Variants in ZNF727 observed in about 807,000 individuals in gnomAD.
The protein encoded by ZNF727 is zinc finger protein 727.
Under a neutral mutation model 11.5 loss-of-function variants are expected in ZNF727, and 11 were observed. The ratio of observed to expected loss-of-function variants is 0.95; its 90% CI spans 0.60 to 1.58. The LOEUF is 1.58. Ranked by LOEUF, ZNF727 falls within the 40% of genes most tolerant of loss-of-function variation. The probability of loss-of-function intolerance (pLI) is 0.00; values close to 1 mark genes in which losing one functional copy is unlikely to be tolerated. For synonymous variants in ZNF727, 171 were observed against 196.1 expected (o/e 0.87, Z 1.07); for missense variants, 533 against 581.7 (o/e 0.92, Z 0.86).
intron 1 of ZNF727, among the ~76,000 whole-genome samples, chr7:64,046,486 GTATTGACCTCTCGA>G (rs1789509115): frequency 6.6e-6 from 1 of 152,122 alleles, no homozygotes; most frequent in Non-Finnish European, 1.5e-5. Context: ...ATTCCTCTTG[GTATTGACCTCTCGA>G]TAGTGACTGA....
At chr7:64,065,528 GCATATTCTCAAGAAA>G (rs1383726671) in intron 1 of ZNF727, among the ~76,000 whole-genome samples, 1 of 152,124 alleles carries the variant, frequency 6.6e-6, no homozygotes, top group African/African-American at 2.4e-5. Flanking sequence ...TGCTTCAAAG[GCATATTCTCAAGAAA>G]CAGGTTTAAT....
rs1472886066 is a variant in ZNF727 at position 64,084,680 on chromosome 7, CT to C, written c.*6137del. Among the ~76,000 whole-genome samples, 1 of 152,128 alleles carries C rather than the reference CT, an allele frequency of 6.6e-6. No individual in the cohort carries two copies. The highest frequency in any genetic ancestry group is 1.5e-5 in the Non-Finnish European group (1 of 67,986). On this transcript the variant is annotated 3_prime_UTR_variant, in exon 4 of 4. Coordinates refer to ENST00000456806, the MANE Select transcript of ZNF727 (RefSeq NM_001159522.3). Reference sequence around the variant, plus strand: ...CAACTATTTACAAAATTTTATCCTACTTTTTTCTGTTGAAAATATGACTTCT... The same window carrying C: ...CAACTATTTACAAAATTTTATCCTACTTTTTCTGTTGAAAATATGACTTCT...
At chr7:64,059,614 C>G (rs2861504) in intron 1 of ZNF727, among the ~76,000 whole-genome samples, 2 of 151,914 alleles carry the variant, frequency 1.3e-5, no homozygotes, top group Non-Finnish European at 2.9e-5. Context: ...CCTTTACTTC[C>G]TGACTAAACC....
intron 1 of ZNF727, among the ~76,000 whole-genome samples, chr7:64,049,626 G>A (rs1242410683): frequency 6.6e-6 from 1 of 151,536 alleles, no homozygotes; most frequent in Non-Finnish European, 1.5e-5. Flanking sequence ...TAGAAACATA[G>A]GATTTTAAAT....
Position 64,085,008 on chromosome 7 carries a change from A to C in ZNF727, c.*6459A>C, listed in dbSNP as rs909386909. ...ATGTTATTGCTCCTGACTTAGAATC[A>C]TCTTTTGCAAATTCTTTTTTTGTTT... On this transcript the variant is annotated 3_prime_UTR_variant, in exon 4 of 4. Transcript: ENST00000456806. 2.7e-4 allele frequency among the ~76,000 whole-genome samples: 31 copies of C among 116,438 alleles called. No individual in the cohort carries two copies. The highest frequency in any genetic ancestry group is 8.1e-4 in the African/African-American group (28 of 34,422). 76.4% of individuals were successfully genotyped at this position (116,438 alleles called of 152,430 possible).
At chr7:64,057,126 T>C (rs1460434089) in intron 1 of ZNF727, among the ~76,000 whole-genome samples, 1 of 152,130 alleles carries the variant, frequency 6.6e-6, no homozygotes, top group Non-Finnish European at 1.5e-5. Flanking sequence ...CAAAGAATTA[T>C]TTATAACAAA....
chr7:64,076,098 T>G (rs1785652374), intron 3 of ZNF727, among the ~76,000 whole-genome samples: 1 of 152,094 alleles, frequency 6.6e-6, no homozygotes, highest in Admixed American at 6.6e-5. Flanking sequence ...GTGCTTTTAG[T>G]TTTTATTTGT....
In ZNF727 at chr7:64,084,440, C is replaced by T. The variant is rs1394629330; in HGVS notation, c.*5891C>T. Among the ~76,000 whole-genome samples the T allele has an allele frequency of 6.6e-6, 1 of 152,014 alleles. No homozygotes were observed. Among genetic ancestry groups the T allele is most frequent in the African/African-American group, 2.4e-5 (1 of 41,390 alleles). On this transcript the variant is annotated 3_prime_UTR_variant, in exon 4 of 4. Transcript: ENST00000456806. The stretch of plus-strand genomic sequence containing the variant: ...CTGATGTTAACTTATCCCATCTTAC[C>T]CAAGGTTGTAGGTCAACAGATGGTA...
chr7:64,050,308 A>G (rs557798778), intron 1 of ZNF727, among the ~76,000 whole-genome samples: 173 of 152,248 alleles, frequency 1.1e-3, no homozygotes, highest in African/African-American at 3.7e-3. Context: ...TCATGTTTGT[A>G]TCTAACAGCC....
At chr7:64,046,202 TG>T (rs1403282885) in intron 1 of ZNF727, among the ~76,000 whole-genome samples, 5 of 152,052 alleles carry the variant, frequency 3.3e-5, no homozygotes, top group Non-Finnish European at 5.9e-5. Context: ...TTTTGTTTTT[TG>T]TTTGTTTGGT....
chr7:64,057,205 G>A (rs187756493), intron 1 of ZNF727, among the ~76,000 whole-genome samples: 28 of 152,216 alleles, frequency 1.8e-4, no homozygotes, highest in African/African-American at 6.3e-4. Flanking sequence ...TGCTCTCTAA[G>A]TATGTTTTTA....
intron 1 of ZNF727, among the ~76,000 whole-genome samples, chr7:64,058,786 C>T (rs140727677): frequency 2.0e-3 from 301 of 152,304 alleles, no homozygotes; most frequent in Middle Eastern, 0.017. Context: ...AGTAACAAGG[C>T]AGCTGTAACC....
rs1785739612 is a variant in ZNF727 at position 64,078,943 on chromosome 7, G to A, written c.*394G>A. On this transcript the variant is annotated 3_prime_UTR_variant, in exon 4 of 4. Coordinates refer to ENST00000456806, the MANE Select transcript of ZNF727 (RefSeq NM_001159522.3). ...GTGGAAAAGGTTTTATGTGGATCTC[G>A]GCCCTTAGAAAACATAAGAGAATTC... Among the ~76,000 whole-genome samples the A allele has an allele frequency of 1.3e-5, 2 of 151,382 alleles. No individual in the cohort carries two copies. The highest frequency in any genetic ancestry group is 2.9e-5 in the Non-Finnish European group (2 of 67,832).
intron 1 of ZNF727, among the ~76,000 whole-genome samples, chr7:64,053,121 G>T (rs1347696859): frequency 1.3e-5 from 2 of 152,090 alleles, no homozygotes; most frequent in Non-Finnish European, 2.9e-5. Context: ...TATGAAATGT[G>T]AAGATACGAG....
rs749059143 is a variant in ZNF727, at chr7:64,076,211, T to G, written c.227-1065T>G. 3.8e-4 allele frequency among the ~76,000 whole-genome samples: 58 copies of G among 152,306 alleles called. 1 individual carries two copies. The highest frequency in any genetic ancestry group is 3.8e-4 in the Non-Finnish European group (26 of 68,020). On this transcript the variant is annotated intron_variant, in intron 3 of 3. Transcript: ENST00000456806. ...ATACATATATTGCCATTATAATTAT[T>G]TATGTGTTTGTTTGCCTGTGTAAAA...
chr7:64,047,706 G>A (rs1165885933), intron 1 of ZNF727, among the ~76,000 whole-genome samples: 1 of 151,648 alleles, frequency 6.6e-6, no homozygotes, highest in Non-Finnish European at 1.5e-5. Context: ...GCAGTTTCCT[G>A]ATACACCCTT....
rs528653599 is a variant in ZNF727, at chr7:64,081,949, T to G, written c.*3400T>G. Among the ~76,000 whole-genome samples the G allele has an allele frequency of 5.3e-5, 8 of 152,034 alleles. No individual in the cohort carries two copies. The highest frequency in any genetic ancestry group is 1.7e-4 in the African/African-American group (7 of 41,482). Reference sequence around the variant, plus strand: ...CAGAGACGTGTAGGCCAGCAATCACTCAGTGCAGTCCGACCAGGATGGAGG... The same window carrying G: ...CAGAGACGTGTAGGCCAGCAATCACGCAGTGCAGTCCGACCAGGATGGAGG... On this transcript the variant is annotated 3_prime_UTR_variant, in exon 4 of 4. Coordinates refer to ENST00000456806, the MANE Select transcript of ZNF727 (RefSeq NM_001159522.3).
At chr7:64,068,103 A>C (rs571832880) in intron 1 of ZNF727, among the ~76,000 whole-genome samples, 1 of 152,194 alleles carries the variant, frequency 6.6e-6, no homozygotes, top group African/African-American at 2.4e-5. Context: ...TCAGCACCGG[A>C]TACAAATTTC....
intron 3 of ZNF727, among the ~76,000 whole-genome samples, chr7:64,077,038 G>C (rs1785677673): frequency 6.6e-6 from 1 of 152,134 alleles, no homozygotes; most frequent in Non-Finnish European, 1.5e-5. Context: ...ACACTTCTAT[G>C]TGGTTCTTGG....
Sources: gnomAD v4.1 joint callset for allele counts (sites outside exome capture counted in the v4.1 genomes callset) on GRCh38, gnomAD v4.1.1 for gene constraint, MANE v1.5 for transcripts, NCBI Gene and HGNC (gene_info 2026-07-23, HGNC 2026-07-21) for gene names.